The following CSMD1 variants were observed in gnomAD, a reference collection of about 807,000 sequenced individuals.
The protein encoded by CSMD1 is CUB and sushi domain-containing protein 1.
Under a neutral mutation model 417.5 loss-of-function variants are expected in CSMD1, and 213 were observed. The ratio of observed to expected loss-of-function variants is 0.51; its 90% CI spans 0.46 to 0.57. The LOEUF (loss-of-function observed/expected upper bound fraction) is 0.57. CSMD1 is among the 20% of genes least tolerant of loss of function. CSMD1 has a pLI of 0.00. For synonymous variants in CSMD1, 2,862 were observed against 1,736.8 expected (o/e 1.65, Z -16.11); for missense variants, 6,923 against 4,529.7 (o/e 1.53, Z -15.17).
At chr8:3,360,325 G>A (rs1369399786) in intron 20 of CSMD1, among the ~76,000 whole-genome samples, 1 of 152,194 alleles carries the variant, frequency 6.6e-6, no homozygotes, top group Non-Finnish European at 1.5e-5. Flanking sequence ...TCTCACTTCT[G>A]TGTTTGCCAC....
At chr8:4,205,887 T>C (rs1196852142) in intron 3 of CSMD1, among the ~76,000 whole-genome samples, 1 of 152,186 alleles carries the variant, frequency 6.6e-6, no homozygotes, top group Non-Finnish European at 1.5e-5. Flanking sequence ...TATTATGCAC[T>C]GTGCAGAAAA....
At chr8:3,616,019 A>T (rs751853740) in intron 8 of CSMD1, among the ~76,000 whole-genome samples, 6 of 152,130 alleles carry the variant, frequency 3.9e-5, no homozygotes, top group Non-Finnish European at 8.8e-5. Context: ...GCATTTTCTG[A>T]ATAAACTTTA....
intron 26 of CSMD1, among the ~76,000 whole-genome samples, chr8:3,282,209 T>C (rs920127197): frequency 9.2e-5 from 14 of 152,158 alleles, no homozygotes; most frequent in African/African-American, 3.4e-4. Flanking sequence ...AAACTGTGGA[T>C]ATCGGCTGAT....
chr8:4,537,642 T>C lies in CSMD1; in HGVS notation c.302+99700A>G, dbSNP rs537560526. On this transcript the variant is annotated intron_variant, in intron 2 of 69. Transcript: ENST00000635120. ...ACACTATTCTATAAACATTTCAAAT[T>C]AAGCATTGATTTGCATTACTTTCAT... Among the ~76,000 whole-genome samples, 129 of 152,300 alleles carry C rather than the reference T, an allele frequency of 8.5e-4. 1 individual carries two copies. The highest frequency in any genetic ancestry group is 3.0e-3 in the African/African-American group (126 of 41,560).
At chr8:4,035,623 A>T (rs939964092) in intron 3 of CSMD1, among the ~76,000 whole-genome samples, 2 of 152,248 alleles carry the variant, frequency 1.3e-5, no homozygotes, top group African/African-American at 4.8e-5. Flanking sequence ...AAGTAAGAAC[A>T]TATAAAGAAA....
intron 4 of CSMD1, among the ~76,000 whole-genome samples, chr8:4,010,173 G>T (rs1445741881): frequency 5.9e-5 from 9 of 152,164 alleles, no homozygotes; most frequent in African/African-American, 2.2e-4. Context: ...TTTTACATCT[G>T]TAGTCCACGT....
Position 3,327,276 on chromosome 8 carries a change from G to A in CSMD1, c.3631+16018C>T, listed in dbSNP as rs375107739. Among the ~76,000 whole-genome samples, 313 of 152,072 alleles carry A rather than the reference G, an allele frequency of 2.1e-3. 3 individuals are homozygous for A. Among genetic ancestry groups the A allele is most frequent in the African/African-American group, 7.3e-3 (301 of 41,492 alleles). ...TCCTGCCTCAGCCTCCCGAGTAGCTGGGACTACAGGCACCCACCACCACAT... is the reference window on the plus strand; with the variant it reads ...TCCTGCCTCAGCCTCCCGAGTAGCTAGGACTACAGGCACCCACCACCACAT... On this transcript the variant is annotated intron_variant, in intron 23 of 69. Transcript: ENST00000635120.
intron 8 of CSMD1, among the ~76,000 whole-genome samples, chr8:3,603,051 G>C (rs1801437740): frequency 6.6e-6 from 1 of 152,192 alleles, no homozygotes; most frequent in Non-Finnish European, 1.5e-5. Context: ...CTTATCAGAA[G>C]CAAGTTTAGC....
chr8:4,787,500 G>A, intron 1 of CSMD1: 1 of 932,340 alleles, frequency 1.1e-6, no homozygotes, highest in Non-Finnish European at 1.7e-6. Flanking sequence ...ATCACCAGTT[G>A]TATTTTTCAG....
chr8:4,939,740 G>C (rs1323772288), intron 1 of CSMD1, among the ~76,000 whole-genome samples: 2 of 152,150 alleles, frequency 1.3e-5, no homozygotes, highest in Non-Finnish European at 2.9e-5. Flanking sequence ...AGCACAGAGA[G>C]TACGTGTGGA....
At chr8:4,627,078 AT>A (rs1245387696) in intron 2 of CSMD1, among the ~76,000 whole-genome samples, 1 of 152,160 alleles carries the variant, frequency 6.6e-6, no homozygotes, top group African/African-American at 2.4e-5. Context: ...CATATTTTGT[AT>A]ATAGCATTCA....
chr8:4,534,058 G>A (rs1219295287), intron 2 of CSMD1, among the ~76,000 whole-genome samples: 5 of 152,016 alleles, frequency 3.3e-5, no homozygotes, highest in Non-Finnish European at 7.4e-5. Context: ...TTGTAATTCA[G>A]GCATATGTAA....
chr8:3,564,055 T>C (rs1321915228), intron 10 of CSMD1, among the ~76,000 whole-genome samples: 2 of 152,152 alleles, frequency 1.3e-5, no homozygotes, highest in Non-Finnish European at 2.9e-5. Context: ...GGGGTACACG[T>C]GATATTTTGG....
chr8:4,544,594 A>C (rs1797552324), intron 2 of CSMD1, among the ~76,000 whole-genome samples: 1 of 152,216 alleles, frequency 6.6e-6, no homozygotes, highest in East Asian at 1.9e-4. Flanking sequence ...TCTTAAAAAT[A>C]TACACAAATC....
chr8:4,407,025 T>C (rs1805073170), intron 3 of CSMD1, among the ~76,000 whole-genome samples: 1 of 152,190 alleles, frequency 6.6e-6, no homozygotes, highest in Non-Finnish European at 1.5e-5. Context: ...ACGGGTCCCC[T>C]GTCTTGGTAA....
intron 5 of CSMD1, among the ~76,000 whole-genome samples, chr8:3,907,951 T>A (rs1464325359): frequency 1.3e-5 from 2 of 151,628 alleles, no homozygotes; most frequent in Non-Finnish European, 2.9e-5. Flanking sequence ...TTTTGGGGGG[T>A]GTGGGGAGAG....
At chr8:3,040,981 C>T (rs529672438) in intron 50 of CSMD1, among the ~76,000 whole-genome samples, 6 of 152,268 alleles carry the variant, frequency 3.9e-5, no homozygotes, top group African/African-American at 1.4e-4. Flanking sequence ...TGTCATATTT[C>T]TGTTTCCTTT....
chr8:4,049,807 T>G (rs930185475), intron 3 of CSMD1, among the ~76,000 whole-genome samples: 26 of 151,908 alleles, frequency 1.7e-4, no homozygotes, highest in Non-Finnish European at 2.9e-4. Context: ...CTTAGCTTTG[T>G]ATGGACATTT....
chr8:4,957,939 G>A (rs1809230407), intron 1 of CSMD1, among the ~76,000 whole-genome samples: 1 of 152,164 alleles, frequency 6.6e-6, no homozygotes, highest in Non-Finnish European at 1.5e-5. Context: ...TTTACTTGAA[G>A]TACTCCTTCT....
Sources: allele counts gnomAD v4.1 joint callset (sites outside exome capture counted in the v4.1 genomes callset), GRCh38; gene constraint gnomAD v4.1.1; transcripts MANE v1.5; gene names NCBI Gene and HGNC (gene_info 2026-07-23, HGNC 2026-07-21).